LHFPL4: variants seen among roughly 807,000 people sequenced by gnomAD.
LHFPL4 encodes the protein LHFPL tetraspan subfamily member 4.
In LHFPL4, 6 loss-of-function variants were observed where a neutral mutation model predicts 20.0. The observed-to-expected ratio is 0.30, with a 90% CI of 0.16 to 0.59. LHFPL4 has a LOEUF of 0.59. Ranked by LOEUF, LHFPL4 falls within the 20% of genes least tolerant of loss-of-function variation. The pLI is 0.88. For missense variants in LHFPL4, 215 were observed against 331.2 expected (o/e 0.65, Z 2.72); for synonymous variants, 129 against 143.8 (o/e 0.90, Z 0.74).
At chr3:9,523,077 G>GAAGAAAGAAAGAAAGAAAGAAAGA (rs752981499) in intron 2 of LHFPL4, among the ~76,000 whole-genome samples, 1 of 114,034 alleles carries the variant, frequency 8.8e-6, no homozygotes, top group Non-Finnish European at 1.8e-5. Flanking sequence ...GAAAGAAAAG[G>GAAGAAAGAAAGAAAGAAAGAAAGA]AAGAAAGAAA....
intron 2 of LHFPL4, among the ~76,000 whole-genome samples, chr3:9,514,508 A>T (rs2046284708): frequency 6.6e-6 from 1 of 152,336 alleles, no homozygotes; most frequent in South Asian, 2.1e-4. Flanking sequence ...TTGACACATT[A>T]TCACCCAAAG....
Position 9,500,373 on chromosome 3 carries a change from A to T in LHFPL4, c.*1838T>A, listed in dbSNP as rs1368884366. The T allele has an allele frequency of 6.6e-6, 1 of 152,146 alleles. No individual in the cohort carries two copies. Among genetic ancestry groups the T allele is most frequent in the Non-Finnish European group, 1.5e-5 (1 of 68,112 alleles). 9.4% of individuals were successfully genotyped at this position (152,146 alleles called of 1,614,324 possible). A position where few individuals can be genotyped will look rare whatever the true frequency, so the allele number is the denominator to read the frequency against. ...ACTGTCCGGGAAGGCGCCGGCGGGGAAGGGGAGCCCAGCGCTGGGACCAGA... is the reference window on the plus strand; with the variant it reads ...ACTGTCCGGGAAGGCGCCGGCGGGGTAGGGGAGCCCAGCGCTGGGACCAGA... On this transcript the variant is annotated 3_prime_UTR_variant, in exon 4 of 4. Transcript: ENST00000287585.
chr3:9,550,837 CT>C (rs1300874870), intron 2 of LHFPL4: 2 of 152,190 alleles, frequency 1.3e-5, no homozygotes, highest in African/African-American at 4.8e-5. Context: ...CCACATCTGC[CT>C]TCTTCAAAAT....
chr3:9,519,429 C>G (rs1253152009), intron 2 of LHFPL4, among the ~76,000 whole-genome samples: 1 of 152,040 alleles, frequency 6.6e-6, no homozygotes, highest in Non-Finnish European at 1.5e-5. Context: ...TCATAGTTAA[C>G]CTGGGTAGAG....
chr3:9,499,049 A>G lies in LHFPL4; in HGVS notation c.*3162T>C, dbSNP rs2046151582. 1 of 152,650 alleles carries G rather than the reference A, an allele frequency of 6.6e-6. No individual in the cohort carries two copies. Among genetic ancestry groups the G allele is most frequent in the South Asian group, 2.1e-4 (1 of 4,842 alleles). The allele number at this position is 152,650 out of a possible 1,614,324, so 9.5% of individuals were successfully genotyped here. On this transcript the variant is annotated 3_prime_UTR_variant, in exon 4 of 4. Transcript: ENST00000287585. Reference sequence around the variant, plus strand: ...CAGATCAGGCAGAGAAAAGCGGGCAATGGCAGACCCCTGATCACAGTTAGG... The same window carrying G: ...CAGATCAGGCAGAGAAAAGCGGGCAGTGGCAGACCCCTGATCACAGTTAGG...
chr3:9,505,930 G>C (rs1272506004), intron 3 of LHFPL4, 37 bp downstream of exon 3: 1 of 1,576,166 alleles, frequency 6.3e-7, no homozygotes, highest in Non-Finnish European at 8.7e-7. Context: ...ACCAGGCCTG[G>C]CTCCCGCCGC....
chr3:9,515,921 G>C (rs2046297630), intron 2 of LHFPL4, among the ~76,000 whole-genome samples: 2 of 151,834 alleles, frequency 1.3e-5, no homozygotes, highest in South Asian at 4.2e-4. Flanking sequence ...TGCCATGTTG[G>C]CCAGGCTACT....
chr3:9,537,520 C>T (rs2046451177), intron 2 of LHFPL4, among the ~76,000 whole-genome samples: 1 of 152,294 alleles, frequency 6.6e-6, no homozygotes, highest in Middle Eastern at 3.4e-3. Context: ...TGTTAATAAC[C>T]TTGGCATCTG....
At chr3:9,523,982 T>TC (rs1559518858) in intron 2 of LHFPL4, among the ~76,000 whole-genome samples, 19 of 135,664 alleles carry the variant, frequency 1.4e-4, no homozygotes, top group African/African-American at 3.1e-4. Context: ...AGGCTAGTAT[T>TC]TCCCCCCCCC....
At chr3:9,536,797 A>G (rs2046446935) in intron 2 of LHFPL4, among the ~76,000 whole-genome samples, 1 of 148,606 alleles carries the variant, frequency 6.7e-6, no homozygotes, top group Non-Finnish European at 1.5e-5. Flanking sequence ...CCCTATCTCT[A>G]AAAAAAAAAT....
chr3:9,534,867 C>T (rs745313268), intron 2 of LHFPL4, among the ~76,000 whole-genome samples: 3 of 152,042 alleles, frequency 2.0e-5, no homozygotes, highest in African/African-American at 7.2e-5. Flanking sequence ...AGGAATTTAT[C>T]GAAGAAAATG....
chr3:9,520,565 G>A (rs537187442), intron 2 of LHFPL4, among the ~76,000 whole-genome samples: 2 of 152,118 alleles, frequency 1.3e-5, no homozygotes, highest in South Asian at 4.2e-4. Context: ...TGCTAGCCAG[G>A]TTTGTCTTGA....
At chr3:9,547,379 G>T (rs1451254061) in intron 2 of LHFPL4, among the ~76,000 whole-genome samples, 2 of 152,130 alleles carry the variant, frequency 1.3e-5, no homozygotes, top group African/African-American at 2.4e-5. Flanking sequence ...AAACCCAGTT[G>T]GGAGTGTCCC....
intron 2 of LHFPL4, among the ~76,000 whole-genome samples, chr3:9,537,116 TA>T (rs779221528): frequency 6.6e-6 from 1 of 151,882 alleles, no homozygotes; most frequent in Non-Finnish European, 1.5e-5. Context: ...CTCTCCTACT[TA>T]ACTCTCTCTT....
chr3:9,523,058 AG>A (rs1183634748), intron 2 of LHFPL4, among the ~76,000 whole-genome samples: 96 of 118,364 alleles, frequency 8.1e-4, no homozygotes, highest in Non-Finnish European at 4.0e-4. Flanking sequence ...AAAAAAAAAA[AG>A]AAAGAAAGAA....
chr3:9,550,095 G>C (rs955189629), intron 2 of LHFPL4, among the ~76,000 whole-genome samples: 4 of 152,094 alleles, frequency 2.6e-5, no homozygotes. Flanking sequence ...ATGGGAAATT[G>C]AGATTTAAAC....
intron 2 of LHFPL4, among the ~76,000 whole-genome samples, chr3:9,513,252 G>A (rs2046274109): frequency 6.6e-6 from 1 of 152,158 alleles, no homozygotes; most frequent in African/African-American, 2.4e-5. Flanking sequence ...GAGCCACCGC[G>A]CCCGGCCTGG....
intron 2 of LHFPL4, among the ~76,000 whole-genome samples, chr3:9,540,489 G>T (rs2046470375): frequency 1.3e-5 from 2 of 152,174 alleles, no homozygotes; most frequent in Admixed American, 1.3e-4. Context: ...TGTGATGTCT[G>T]CTATCAGGAC....
chr3:9,550,408 C>T (rs1559525212), intron 2 of LHFPL4, among the ~76,000 whole-genome samples: 1 of 152,142 alleles, frequency 6.6e-6, no homozygotes, highest in Admixed American at 6.5e-5. Flanking sequence ...AGCTGTGTGA[C>T]CTCAAGTAAG....
Sources: gnomAD v4.1 joint callset for allele counts (sites outside exome capture counted in the v4.1 genomes callset) on GRCh38, gnomAD v4.1.1 for gene constraint, MANE v1.5 for transcripts, NCBI Gene and HGNC (gene_info 2026-07-23, HGNC 2026-07-21) for gene names.